Variants in PIK3AP1 observed in about 807,000 individuals in gnomAD.
PIK3AP1 encodes the protein phosphoinositide 3-kinase adapter protein 1.
A neutral mutation model predicts 88.1 loss-of-function variants in PIK3AP1; 21 were observed. The observed-to-expected ratio is 0.24, with a 90% CI of 0.17 to 0.34. The LOEUF (loss-of-function observed/expected upper bound fraction) is 0.34. Among genes scored for constraint, PIK3AP1 ranks in the 10% least tolerant of loss-of-function variants. PIK3AP1 has a pLI of 1.00. For synonymous variants in PIK3AP1, 398 were observed against 400.0 expected (o/e 1.00, Z 0.06); for missense variants, 828 against 1,035.7 (o/e 0.80, Z 2.75).
At chr10:96,660,554 TC>T (rs1843672637) in intron 2 of PIK3AP1, among the ~76,000 whole-genome samples, 1 of 152,172 alleles carries the variant, frequency 6.6e-6, no homozygotes, top group African/African-American at 2.4e-5. Flanking sequence ...TAGGAATGCA[TC>T]CTTTGCTGGC....
intron 8 of PIK3AP1, among the ~76,000 whole-genome samples, chr10:96,639,257 C>A (rs1040663770): frequency 6.6e-6 from 1 of 152,128 alleles, no homozygotes; most frequent in Non-Finnish European, 1.5e-5. Context: ...CCCACAAAGT[C>A]GAGAATTACA....
intron 10 of PIK3AP1, among the ~76,000 whole-genome samples, chr10:96,626,189 A>G (rs1182830357): frequency 6.6e-6 from 1 of 152,238 alleles, no homozygotes; most frequent in Non-Finnish European, 1.5e-5. Context: ...TAACATGGGT[A>G]GATGGACAGC....
intron 13 of PIK3AP1, among the ~76,000 whole-genome samples, chr10:96,616,247 A>G (rs1220639592): frequency 1.3e-5 from 2 of 152,200 alleles, no homozygotes; most frequent in African/African-American, 2.4e-5. Flanking sequence ...ATTGCTCACC[A>G]GAATCAGAAA....
chr10:96,694,975 A>G (rs551696330), intron 2 of PIK3AP1, among the ~76,000 whole-genome samples: 1 of 152,314 alleles, frequency 6.6e-6, no homozygotes, highest in South Asian at 2.1e-4. Context: ...AGGGCAAAAC[A>G]CTGTTTTAAA....
At chr10:96,707,167 T>C (rs1280609381) in intron 2 of PIK3AP1, among the ~76,000 whole-genome samples, 2 of 152,234 alleles carry the variant, frequency 1.3e-5, no homozygotes, top group Admixed American at 1.3e-4. Flanking sequence ...TGAACTACAG[T>C]CTTTGGTAAA....
chr10:96,715,884 C>T (rs1273946570), intron 1 of PIK3AP1, among the ~76,000 whole-genome samples: 5 of 147,402 alleles, frequency 3.4e-5, no homozygotes, highest in Non-Finnish European at 7.5e-5. Context: ...AGCGAGACTC[C>T]ATTTCAAAGA....
chr10:96,693,698 A>T (rs771754495), intron 2 of PIK3AP1, among the ~76,000 whole-genome samples: 2 of 152,154 alleles, frequency 1.3e-5, no homozygotes, highest in Non-Finnish European at 2.9e-5. Flanking sequence ...ATATCCCTTT[A>T]TCCTGTTCTT....
chr10:96,700,814 CCACGA>C (rs1844287373), intron 2 of PIK3AP1: 9 of 985,658 alleles, frequency 9.1e-6, no homozygotes, highest in Non-Finnish European at 9.6e-6. Context: ...ATCTGCGAGG[CCACGA>C]CACCGAGCAG....
At chr10:96,647,472 T>C (rs1324102860) in intron 7 of PIK3AP1, among the ~76,000 whole-genome samples, 1 of 152,228 alleles carries the variant, frequency 6.6e-6, no homozygotes, top group Non-Finnish European at 1.5e-5. Context: ...ATAAAAACTA[T>C]TGGCATGGAA....
intron 2 of PIK3AP1, among the ~76,000 whole-genome samples, chr10:96,688,938 C>T (rs1170406565): frequency 1.3e-5 from 2 of 152,100 alleles, no homozygotes; most frequent in African/African-American, 4.8e-5. Context: ...CTTATCTCTA[C>T]ATCCAACCGA....
intron 1 of PIK3AP1, among the ~76,000 whole-genome samples, chr10:96,716,092 C>G (rs1844498661): frequency 6.6e-6 from 1 of 151,816 alleles, no homozygotes; most frequent in South Asian, 2.1e-4. Context: ...GCCAGCCTGG[C>G]CAACATAGTG....
intron 7 of PIK3AP1, among the ~76,000 whole-genome samples, chr10:96,647,264 C>T (rs984097288): frequency 3.3e-5 from 5 of 152,298 alleles, no homozygotes; most frequent in South Asian, 4.1e-4. Context: ...AGGTGCAAAT[C>T]CTGTCTCTGC....
chr10:96,648,943 G>T, intron 6 of PIK3AP1, 88 bp from the exon 7 acceptor site: 1 of 1,192,154 alleles, frequency 8.4e-7, no homozygotes, highest in Non-Finnish European at 1.1e-6. Flanking sequence ...GCCAAGACTA[G>T]CATGGCAACA....
At chr10:96,695,083 C>T (rs917454860) in intron 2 of PIK3AP1, among the ~76,000 whole-genome samples, 2 of 152,156 alleles carry the variant, frequency 1.3e-5, no homozygotes, top group Admixed American at 6.5e-5. Context: ...TTCAGCATTA[C>T]ATTTTTCCAG....
intron 2 of PIK3AP1, among the ~76,000 whole-genome samples, chr10:96,692,473 C>T (rs1296402838): frequency 1.3e-5 from 2 of 151,928 alleles, no homozygotes; most frequent in African/African-American, 4.8e-5. Context: ...ACTTGGGAGG[C>T]TGAGGCAGCA....
At chr10:96,712,898 A>T (rs941530863) in intron 1 of PIK3AP1, among the ~76,000 whole-genome samples, 1 of 152,254 alleles carries the variant, frequency 6.6e-6, no homozygotes, top group Non-Finnish European at 1.5e-5. Context: ...CATGTCAACA[A>T]TTTGTGCAAT....
At chr10:96,606,063 AC>A (rs1438194297) in intron 14 of PIK3AP1, among the ~76,000 whole-genome samples, 8 of 152,258 alleles carry the variant, frequency 5.3e-5, no homozygotes, top group Non-Finnish European at 1.0e-4. Context: ...AGCCTGGGCG[AC>A]AGAGTGAGAC....
Position 96,628,409 on chromosome 10 carries a change from T to G in PIK3AP1, c.1460A>C (p.Lys487Thr), listed in dbSNP as rs772197733. Residue 487 changes from lysine (K) to threonine (T), a missense_variant, in exon 9 of 17, where the codon AAG becomes ACG. Physicochemically the swap from Lys to Thr is moderately conservative, Grantham distance 78 (BLOSUM62 -1). Coordinates refer to ENST00000339364, the MANE Select transcript of PIK3AP1 (RefSeq NM_152309.3). The stretch of plus-strand genomic sequence containing the variant: ...TGGCTATGACTTACCTTCTAAAAAC[T>G]TGCGGATCATAGAGTCCTTAGTGGC... ...SRATKDSMIR[K>T]FLEGNSMGMT... is the part of the protein sequence containing the mutation. 34 of 1,608,958 alleles carry G rather than the reference T, an allele frequency of 2.1e-5. No homozygotes were observed. The Admixed American group carries it at 4.3e-4, about 21-fold the overall frequency.
chr10:96,645,424 G>C, intron 8 of PIK3AP1, 49 bp downstream of exon 8: 2 of 1,587,268 alleles, frequency 1.3e-6, no homozygotes, highest in Non-Finnish European at 1.7e-6. Flanking sequence ...AATGAAAAAA[G>C]CTGTTTCTCA....
Sources: gnomAD v4.1 joint callset for allele counts (sites outside exome capture counted in the v4.1 genomes callset) on GRCh38, gnomAD v4.1.1 for gene constraint, MANE v1.5 for transcripts, NCBI Gene and HGNC (gene_info 2026-07-23, HGNC 2026-07-21) for gene names.